Variants in LSAMP observed in about 807,000 individuals in gnomAD.
The protein encoded by LSAMP is limbic system-associated membrane protein.
LSAMP carries 7 observed loss-of-function variants against 38.6 expected under a neutral mutation model. The observed-to-expected ratio is 0.18, with a 90% confidence interval of 0.10 to 0.34. The LOEUF (loss-of-function observed/expected upper bound fraction) is 0.34, where lower values mean the gene tolerates loss of function less well. Among genes scored for constraint, LSAMP ranks in the 10% least tolerant of loss-of-function variants. The probability of loss-of-function intolerance (pLI) is 1.00; values close to 1 mark genes in which losing one functional copy is unlikely to be tolerated. For missense variants in LSAMP, 313 were observed against 420.0 expected, an observed-to-expected ratio of 0.75 and a Z score of 2.23; for synonymous variants, 154 against 166.8, an observed-to-expected ratio of 0.92 and a Z score of 0.59.
chr3:115,992,035 A>G (rs913548808), intron 3 of LSAMP, among the ~76,000 whole-genome samples: 4 of 152,124 alleles, frequency 2.6e-5, no homozygotes, highest in African/African-American at 9.7e-5. Flanking sequence ...GCGGGTGGAC[A>G]GCATGGATGT....
chr3:116,278,167 C>T (rs2047079239), intron 1 of LSAMP, among the ~76,000 whole-genome samples: 1 of 152,128 alleles, frequency 6.6e-6, no homozygotes, highest in Non-Finnish European at 1.5e-5. Context: ...TGCTGATTAT[C>T]AGAGCAATTC....
intron 1 of LSAMP, among the ~76,000 whole-genome samples, chr3:116,367,581 T>C (rs1173644964): frequency 6.6e-6 from 1 of 150,958 alleles, no homozygotes; most frequent in Non-Finnish European, 1.5e-5. Context: ...CTCAGCTCAC[T>C]GCAACATCTG....
At chr3:115,923,121 T>C (rs1467259416) in intron 3 of LSAMP, among the ~76,000 whole-genome samples, 1 of 152,212 alleles carries the variant, frequency 6.6e-6, no homozygotes, top group African/African-American at 2.4e-5. Flanking sequence ...AGCTGCCTCT[T>C]TCCATGCTTC....
At chr3:115,907,066 C>G (rs954634533) in intron 3 of LSAMP, among the ~76,000 whole-genome samples, 1 of 152,138 alleles carries the variant, frequency 6.6e-6, no homozygotes, top group Admixed American at 6.6e-5. Flanking sequence ...GGTTTTCCAT[C>G]TCAACCCTGG....
intron 1 of LSAMP, among the ~76,000 whole-genome samples, chr3:116,205,782 ATGTGCTGC>A (rs2046058645): frequency 1.2e-5 from 1 of 80,492 alleles, no homozygotes; most frequent in African/African-American, 5.1e-5. Flanking sequence ...AAGCTTTTTG[ATGTGCTGC>A]TGGATTCGTT....
intron 3 of LSAMP, among the ~76,000 whole-genome samples, chr3:115,930,001 A>AATTTTT (rs1559885246): frequency 3.9e-5 from 1 of 25,340 alleles, no homozygotes; most frequent in East Asian, 2.1e-3. Context: ...ATTTAGCAGA[A>AATTTTT]GTTTTTTTTT....
At chr3:116,247,732 C>T (rs2046622374) in intron 1 of LSAMP, among the ~76,000 whole-genome samples, 1 of 152,142 alleles carries the variant, frequency 6.6e-6, no homozygotes, top group Non-Finnish European at 1.5e-5. Context: ...AAAGAAGAGA[C>T]TTCAGTAACT....
chr3:116,129,215 G>A (rs1375751311), intron 1 of LSAMP, among the ~76,000 whole-genome samples: 1 of 152,008 alleles, frequency 6.6e-6, no homozygotes, highest in African/African-American at 2.4e-5. Context: ...TAATAGACTA[G>A]GTGCACAATG....
chr3:115,808,081 T>C lies in LSAMP; in HGVS notation c.*2236A>G, dbSNP rs1933671532. On this transcript the variant is annotated 3_prime_UTR_variant, in exon 7 of 7. Coordinates refer to ENST00000490035, the MANE Select transcript of LSAMP (RefSeq NM_002338.5). ...TTTCTCCCTCCTGCCTTCCTTTCCT[T>C]TCTCCTTCCTTCCTTCCTTCCTTCC... The C allele has an allele frequency of 8.1e-6, 1 of 123,862 alleles. No homozygotes were observed. The highest frequency in any genetic ancestry group is 8.4e-5 in the Admixed American group (1 of 11,974). 7.7% of individuals were successfully genotyped at this position (123,862 alleles called of 1,614,324 possible). A position where few individuals can be genotyped will look rare whatever the true frequency, so the allele number is the denominator to read the frequency against.
At chr3:116,370,001 T>G (rs12695326) in intron 1 of LSAMP, 49,793 of 152,502 alleles carry the variant, frequency 0.33, 11,809 homozygotes, top group African/African-American at 0.68. Context: ...AAATTCTATT[T>G]TTTGTCTGTG....
chr3:115,886,248 A>G (rs534640021), intron 3 of LSAMP, among the ~76,000 whole-genome samples: 3 of 152,008 alleles, frequency 2.0e-5, no homozygotes, highest in Non-Finnish European at 4.4e-5. Context: ...TTTAACAGCT[A>G]TCTGGGTACC....
rs2048517070 is a variant in LSAMP at position 116,378,234 on chromosome 3, T to A, written c.155+66643A>T. 4.6e-5 allele frequency among the ~76,000 whole-genome samples: 7 copies of A among 152,154 alleles called. 1 individual carries two copies. The South Asian group carries it at 1.5e-3, about 32-fold the overall frequency. ...GCCATGCTCAGTTCCAGGTGAATGG[T>A]CAAGCTAATGGATTGTTCCTGGAAG... On this transcript the variant is annotated intron_variant, in intron 1 of 6. Transcript: ENST00000490035.
chr3:116,444,714 GAC>G (rs139517990), intron 1 of LSAMP, among the ~76,000 whole-genome samples, 161 bp downstream of exon 1: 1 of 147,190 alleles, frequency 6.8e-6, no homozygotes, highest in South Asian at 2.2e-4. Flanking sequence ...GTAAAACAGG[GAC>G]ACACACACAC....
In LSAMP at chr3:115,860,987, C is replaced by T. The variant is rs72951434; in HGVS notation, c.515-8370G>A. ...CATCTCCTTTAAGCCTGCCAGCACC[C>T]ACAGGGTACTGAGTACAATGGCATT... On this transcript the variant is annotated intron_variant, in intron 3 of 6. Transcript: ENST00000490035. Among the ~76,000 whole-genome samples the T allele has an allele frequency of 5.5e-3, 842 of 152,174 alleles. 6 individuals are homozygous for T. The highest frequency in any genetic ancestry group is 0.019 in the African/African-American group (784 of 41,516).
chr3:115,821,197 C>T (rs1193388258), intron 6 of LSAMP, among the ~76,000 whole-genome samples: 1 of 152,158 alleles, frequency 6.6e-6, no homozygotes, highest in Non-Finnish European at 1.5e-5. Context: ...ATGAAAGATG[C>T]TCCATTGGAA....
intron 3 of LSAMP, among the ~76,000 whole-genome samples, chr3:115,984,792 A>G (rs892735941): frequency 6.6e-6 from 1 of 152,200 alleles, no homozygotes; most frequent in Non-Finnish European, 1.5e-5. Context: ...CATACATTGC[A>G]ATGGTAAAAT....
At chr3:116,127,774 CT>C (rs1224974495) in intron 1 of LSAMP, among the ~76,000 whole-genome samples, 2 of 137,200 alleles carry the variant, frequency 1.5e-5, no homozygotes, top group African/African-American at 2.7e-5. Flanking sequence ...TTTGACTTTC[CT>C]TTTTTTAATA....
chr3:116,057,386 C>A (rs1038985026), intron 2 of LSAMP, among the ~76,000 whole-genome samples: 4 of 152,162 alleles, frequency 2.6e-5, no homozygotes, highest in African/African-American at 9.6e-5. Context: ...ATCTTTTCTT[C>A]AAAGAATTGT....
At chr3:116,102,357 G>C (rs1397577927) in intron 1 of LSAMP, among the ~76,000 whole-genome samples, 1 of 152,136 alleles carries the variant, frequency 6.6e-6, no homozygotes, top group Non-Finnish European at 1.5e-5. Flanking sequence ...TCTGCAATCT[G>C]AATTAAGCAA....
Sources: gnomAD v4.1 joint callset for allele counts (sites outside exome capture counted in the v4.1 genomes callset) on GRCh38, gnomAD v4.1.1 for gene constraint, MANE v1.5 for transcripts, NCBI Gene and HGNC (gene_info 2026-07-23, HGNC 2026-07-21) for gene names.